INSYN2A: variants seen among roughly 807,000 people sequenced by gnomAD.
INSYN2A encodes the protein family with sequence similarity 196 member A.
A neutral mutation model predicts 39.4 loss-of-function variants in INSYN2A; 17 were observed. The ratio of observed to expected loss-of-function variants is 0.43; its 90% CI spans 0.30 to 0.65. The LOEUF is 0.65. Ranked by LOEUF, INSYN2A falls within the 30% of genes least tolerant of loss-of-function variation. INSYN2A has a pLI of 0.14. For missense variants in INSYN2A, 595 were observed against 631.2 expected, an observed-to-expected ratio of 0.94 and a Z score of 0.61; for synonymous variants, 255 against 265.7, an observed-to-expected ratio of 0.96 and a Z score of 0.39.
At chr10:127,184,105 G>A (rs2055992495) in intron 2 of INSYN2A, among the ~76,000 whole-genome samples, 1 of 152,148 alleles carries the variant, frequency 6.6e-6, no homozygotes, top group African/African-American at 2.4e-5. Context: ...TAATGCCTGA[G>A]ACCCAAGGGT....
At chr10:127,167,821 C>G (rs886904607) in intron 4 of INSYN2A, among the ~76,000 whole-genome samples, 1 of 151,998 alleles carries the variant, frequency 6.6e-6, no homozygotes, top group South Asian at 2.1e-4. Context: ...CACCACCCCC[C>G]ATCCCCAAAA....
chr10:127,186,423 A>G (rs72834700), intron 2 of INSYN2A, among the ~76,000 whole-genome samples: 34,240 of 146,166 alleles, frequency 0.23, 4,767 homozygotes, highest in Middle Eastern at 0.4. Flanking sequence ...GCTACTTGGG[A>G]GGCTCTCCTT....
chr10:127,177,953 C>A (rs1268300294), intron 2 of INSYN2A, among the ~76,000 whole-genome samples: 1 of 152,190 alleles, frequency 6.6e-6, no homozygotes, highest in East Asian at 1.9e-4. Flanking sequence ...GAGCAGGACC[C>A]TACTTTAGTG....
At position 127,175,235 on chromosome 10, in the gene INSYN2A, T is replaced by C; in HGVS notation, c.1161A>G (p.Glu387=). The C allele has an allele frequency of 6.2e-7, 1 of 1,613,858 alleles. No homozygotes were observed. Residue 387 remains glutamate, a synonymous_variant, in exon 4 of 6, where the codon GAA becomes GAG. Transcript: ENST00000522781. The surrounding 1 kb of genome is among the most constrained non-coding windows in gnomAD (Gnocchi z 6.3). ...ACCCTTCCCGATGGGCCTCTCCTTT[T>C]TCCAACTCCTGAATGACCCCCAAGA... ...KVLLGVIQEL[E]KGEAHREGLS...
intron 2 of INSYN2A, among the ~76,000 whole-genome samples, chr10:127,187,273 G>T: frequency 6.6e-6 from 1 of 152,184 alleles, no homozygotes; most frequent in East Asian, 1.9e-4. Context: ...ACTTTACAAG[G>T]CTTGTGGAAA....
chr10:127,168,548 CTGT>C (rs1347911596), intron 4 of INSYN2A, among the ~76,000 whole-genome samples: 1 of 152,216 alleles, frequency 6.6e-6, no homozygotes, highest in Non-Finnish European at 1.5e-5. Context: ...ACTGCAGAGG[CTGT>C]TGAGAGACTG....
chr10:127,195,019 C>T (rs1410115604), intron 1 of INSYN2A, among the ~76,000 whole-genome samples: 3 of 152,188 alleles, frequency 2.0e-5, no homozygotes, highest in Non-Finnish European at 4.4e-5. Flanking sequence ...CAAAACGCAC[C>T]CATTTTCTCT....
At chr10:127,195,171 G>A (rs1292673900) in intron 1 of INSYN2A, among the ~76,000 whole-genome samples, 1 of 152,194 alleles carries the variant, frequency 6.6e-6, no homozygotes, top group Admixed American at 6.5e-5. Flanking sequence ...GGGGACATCA[G>A]CCTGGAGCCC....
chr10:127,167,858 A>G (rs563711754), intron 4 of INSYN2A, among the ~76,000 whole-genome samples: 12 of 152,080 alleles, frequency 7.9e-5, no homozygotes, highest in Non-Finnish European at 1.5e-4. Flanking sequence ...ATAAAGCAAG[A>G]AAATCTCTTC....
chr10:127,180,432 T>C (rs767482546), intron 2 of INSYN2A, among the ~76,000 whole-genome samples: 3 of 152,198 alleles, frequency 2.0e-5, no homozygotes, highest in Non-Finnish European at 4.4e-5. Flanking sequence ...AATTGTGTTT[T>C]AGAATTCATT....
Position 127,156,535 on chromosome 10 carries a change from T to TTTC in INSYN2A, c.1185-2615_1185-2613dup, listed in dbSNP as rs542677102. 3.8e-3 allele frequency among the ~76,000 whole-genome samples: 357 copies of TTTC among 94,186 alleles called. 5 individuals are homozygous for TTTC. The highest frequency in any genetic ancestry group is 0.013 in the African/African-American group (338 of 25,868). The allele number at this position is 94,186 out of a possible 152,430, so 61.8% of individuals were successfully genotyped here. On this transcript the variant is annotated intron_variant, in intron 4 of 5. Transcript: ENST00000522781. ...CTTTTCTTTACTTTTCTTTTCTCTTTTTCTTCTTCTTCTTCTTCTTCTTCT... is the reference window on the plus strand; with the variant it reads ...CTTTTCTTTACTTTTCTTTTCTCTTTTTCTTCTTCTTCTTCTTCTTCTTCTTCT...
At chr10:127,186,953 C>A (rs2056329638) in intron 2 of INSYN2A, among the ~76,000 whole-genome samples, 2 of 152,156 alleles carry the variant, frequency 1.3e-5, no homozygotes, top group Admixed American at 1.3e-4. Context: ...TTCCTTGAAT[C>A]AGGCACATAG....
At chr10:127,186,864 T>A (rs2056322769) in intron 2 of INSYN2A, among the ~76,000 whole-genome samples, 1 of 151,920 alleles carries the variant, frequency 6.6e-6, no homozygotes, top group East Asian at 1.9e-4. Flanking sequence ...AACAGACACA[T>A]GCACACACAG....
chr10:127,163,467 A>G (rs2053772892), intron 4 of INSYN2A, among the ~76,000 whole-genome samples: 1 of 152,106 alleles, frequency 6.6e-6, no homozygotes, highest in Non-Finnish European at 1.5e-5. Context: ...TTCAGTGCCC[A>G]CCTCAGGGCC....
At chr10:127,172,195 G>C (rs753206242) in intron 4 of INSYN2A, among the ~76,000 whole-genome samples, 1 of 152,090 alleles carries the variant, frequency 6.6e-6, no homozygotes, top group Non-Finnish European at 1.5e-5. Flanking sequence ...TGAATCCCTC[G>C]TTCTAAAGTC....
At chr10:127,162,751 C>T (rs552812912) in intron 4 of INSYN2A, among the ~76,000 whole-genome samples, 6 of 152,296 alleles carry the variant, frequency 3.9e-5, no homozygotes, top group East Asian at 1.9e-4. Context: ...AAGGAGCCGA[C>T]ATAACGAGCC....
At chr10:127,164,505 C>T (rs1284133273) in intron 4 of INSYN2A, among the ~76,000 whole-genome samples, 1 of 152,078 alleles carries the variant, frequency 6.6e-6, no homozygotes, top group Non-Finnish European at 1.5e-5. Flanking sequence ...TTTTGTTGCT[C>T]CTCTCTGTAG....
intron 5 of INSYN2A, among the ~76,000 whole-genome samples, chr10:127,151,912 C>T (rs2052529049): frequency 6.6e-6 from 1 of 152,198 alleles, no homozygotes; most frequent in Non-Finnish European, 1.5e-5. Flanking sequence ...CCTTCAGAGA[C>T]TTATTCAGTC....
chr10:127,160,960 G>A (rs1469248713), intron 4 of INSYN2A, among the ~76,000 whole-genome samples: 1 of 152,128 alleles, frequency 6.6e-6, no homozygotes, highest in African/African-American at 2.4e-5. Flanking sequence ...GTCTCAAAGT[G>A]ACATTAATTA....
Sources: allele counts gnomAD v4.1 joint callset (sites outside exome capture counted in the v4.1 genomes callset), GRCh38; gene constraint gnomAD v4.1.1; non-coding constraint Gnocchi (gnomAD v3.1); transcripts MANE v1.5; gene names NCBI Gene and HGNC (gene_info 2026-07-23, HGNC 2026-07-21).